The following PHF24 variants were observed in gnomAD, a reference collection of about 807,000 sequenced individuals.
PHF24 encodes the protein Galpha inhibitory interacting protein.
In PHF24, 25 loss-of-function variants were observed where a neutral mutation model predicts 42.6. The observed-to-expected ratio is 0.59, with a 90% confidence interval of 0.43 to 0.82. PHF24 has a LOEUF of 0.82. PHF24 is among the 40% of genes least tolerant of loss of function. The pLI is 0.00. For missense variants in PHF24, 470 were observed against 538.1 expected (o/e 0.87, Z 1.25); for synonymous variants, 185 against 204.8 (o/e 0.90, Z 0.83).
At chr9:34,700,951 G>A in the PHF24 span, among the ~76,000 whole-genome samples, 8 of 152,316 alleles carry the variant, frequency 5.3e-5, no homozygotes, top group East Asian at 9.7e-4. Flanking sequence ...ATGGGGGTGG[G>A]GGACTGGAGG....
the PHF24 span, among the ~76,000 whole-genome samples, chr9:34,717,034 G>C: frequency 6.6e-6 from 1 of 152,212 alleles, no homozygotes; most frequent in Non-Finnish European, 1.5e-5. Context: ...GGGGCACAGA[G>C]TGGCCCCTGC....
chr9:34,977,543 C>A lies in PHF24; in HGVS notation c.1011-3C>A. On this transcript the variant is annotated splice_region_variant and splice_polypyrimidine_tract_variant and intron_variant, in intron 6 of 7. Coordinates refer to ENST00000242315, the Ensembl canonical transcript of PHF24. ...CCTAACCACGTGTCCTCATGCCCAG[C>A]AGCATCAGCCATGTGGGTCCCATCG... 4 of 1,605,356 alleles carry A rather than the reference C, an allele frequency of 2.5e-6. No homozygotes were observed. The highest frequency in any genetic ancestry group is 3.4e-6 in the Non-Finnish European group (4 of 1,175,492).
chr9:34,857,459 G>A, the PHF24 span, among the ~76,000 whole-genome samples: 56 of 152,168 alleles, frequency 3.7e-4, no homozygotes, highest in East Asian at 7.7e-4. Flanking sequence ...GGGATCTCCT[G>A]GTTCCTGGGT....
At chr9:34,877,124 T>C in the PHF24 span, among the ~76,000 whole-genome samples, 2 of 151,320 alleles carry the variant, frequency 1.3e-5, no homozygotes, top group Non-Finnish European at 2.9e-5. Flanking sequence ...CTACTGAAAA[T>C]ACAAAAATTG....
At chr9:34,723,247 T>C in the PHF24 span, 1 of 1,551,576 alleles carries the variant, frequency 6.4e-7, no homozygotes, top group South Asian at 1.2e-5. Flanking sequence ...TTGGGTGCCC[T>C]GGTTTGTTGG....
chr9:34,770,053 T>C, the PHF24 span, among the ~76,000 whole-genome samples: 1 of 152,178 alleles, frequency 6.6e-6, no homozygotes, highest in African/African-American at 2.4e-5. Flanking sequence ...AAATAAAGGA[T>C]TAATTTATTC....
At chr9:34,849,637 T>C in the PHF24 span, among the ~76,000 whole-genome samples, 2 of 152,218 alleles carry the variant, frequency 1.3e-5, no homozygotes, top group Non-Finnish European at 2.9e-5. Context: ...AATTTGATCC[T>C]GTCATTATGA....
intron 1 of PHF24, among the ~76,000 whole-genome samples, chr9:34,965,880 A>T (rs1826751520): frequency 6.6e-6 from 1 of 152,182 alleles, no homozygotes; most frequent in Non-Finnish European, 1.5e-5. Flanking sequence ...TGAAAATGTG[A>T]ATTTAGTATT....
upstream of PHF24, among the ~76,000 whole-genome samples, chr9:34,954,301 CTG>C (rs1826322108): frequency 6.6e-6 from 1 of 152,200 alleles, no homozygotes; most frequent in South Asian, 2.1e-4. Flanking sequence ...CTCTTTGCTT[CTG>C]TGTTTGGAGT....
At chr9:34,853,481 C>T in the PHF24 span, among the ~76,000 whole-genome samples, 12 of 152,168 alleles carry the variant, frequency 7.9e-5, no homozygotes, top group African/African-American at 2.2e-4. Flanking sequence ...CCTCATAAAA[C>T]GAGTTAGGGA....
chr9:34,911,888 C>A, the PHF24 span, among the ~76,000 whole-genome samples: 1 of 152,166 alleles, frequency 6.6e-6, no homozygotes, highest in Non-Finnish European at 1.5e-5. Context: ...CAAATGGAGG[C>A]AGTGAGTTTC....
At chr9:34,913,108 G>T in the PHF24 span, among the ~76,000 whole-genome samples, 23 of 151,588 alleles carry the variant, frequency 1.5e-4, no homozygotes, top group Admixed American at 6.6e-5. Context: ...CCACGAACTT[G>T]AATTTGGACC....
the PHF24 span, among the ~76,000 whole-genome samples, chr9:34,815,803 C>G: frequency 2.6e-5 from 4 of 152,312 alleles, no homozygotes; most frequent in East Asian, 7.7e-4. Flanking sequence ...TTGAAGACTT[C>G]CAGGACTACA....
At chr9:34,696,969 G>A in the PHF24 span, among the ~76,000 whole-genome samples, 3 of 152,356 alleles carry the variant, frequency 2.0e-5, no homozygotes, top group East Asian at 3.9e-4. Context: ...GAGCAAGAGC[G>A]TAGGTGCTGG....
chr9:34,874,407 G>A, the PHF24 span, among the ~76,000 whole-genome samples: 2 of 152,094 alleles, frequency 1.3e-5, no homozygotes, highest in Non-Finnish European at 2.9e-5. Context: ...AAAATAACAA[G>A]GGATATGCTT....
chr9:34,888,771 T>G, the PHF24 span, among the ~76,000 whole-genome samples: 1 of 152,198 alleles, frequency 6.6e-6, no homozygotes, highest in Non-Finnish European at 1.5e-5. Context: ...GGCCACTGCT[T>G]CTTATACTGT....
chr9:34,744,018 AT>A, the PHF24 span, among the ~76,000 whole-genome samples: 1 of 152,204 alleles, frequency 6.6e-6, no homozygotes, highest in Non-Finnish European at 1.5e-5. Context: ...TGATAACGGC[AT>A]TAATCCTTTC....
the PHF24 span, chr9:34,917,334 G>A: frequency 2.3e-6 from 2 of 866,618 alleles, no homozygotes; most frequent in Non-Finnish European, 4.0e-6. Context: ...GCCCAAGTGT[G>A]TGGAAGAGTT....
chr9:34,814,603 T>C, the PHF24 span, among the ~76,000 whole-genome samples: 1 of 152,154 alleles, frequency 6.6e-6, no homozygotes, highest in African/African-American at 2.4e-5. Flanking sequence ...AAAAAAAACA[T>C]GATGAGGCTT....
Sources: allele counts gnomAD v4.1 joint callset (sites outside exome capture counted in the v4.1 genomes callset), GRCh38; gene constraint gnomAD v4.1.1; transcripts MANE v1.5; gene names NCBI Gene and HGNC (gene_info 2026-07-23, HGNC 2026-07-21).